RFX3: variants seen among roughly 807,000 people sequenced by gnomAD.
RFX3 encodes transcription factor RFX3.
In RFX3, 14 loss-of-function variants were observed where a neutral mutation model predicts 98.6. The ratio of observed to expected loss-of-function variants is 0.14; its 90% CI spans 0.09 to 0.22. The LOEUF (loss-of-function observed/expected upper bound fraction) is 0.22, where lower values mean the gene tolerates loss of function less well. Ranked by LOEUF, RFX3 falls within the 10% of genes least tolerant of loss-of-function variation. RFX3 has a pLI of 1.00. For synonymous variants in RFX3, 383 were observed against 328.4 expected, an observed-to-expected ratio of 1.17 and a Z score of -1.80; for missense variants, 639 against 926.9, an observed-to-expected ratio of 0.69 and a Z score of 4.03.
intron 5 of RFX3, among the ~76,000 whole-genome samples, chr9:3,295,131 A>C (rs527672980): frequency 1.3e-5 from 2 of 152,184 alleles, no homozygotes; most frequent in East Asian, 3.9e-4. Context: ...AAAAGAGATA[A>C]GGCAGTCTGA....
At chr9:3,381,315 T>C (rs1008594199) in intron 2 of RFX3, among the ~76,000 whole-genome samples, 6 of 152,060 alleles carry the variant, frequency 3.9e-5, no homozygotes, top group African/African-American at 1.4e-4. Flanking sequence ...TCGATGATCT[T>C]ATCAGTCCCA....
Position 3,325,850 on chromosome 9 carries a change from T to G in RFX3, c.474+4409A>C, listed in dbSNP as rs181531718. On this transcript the variant is annotated intron_variant, in intron 4 of 16. Transcript: ENST00000617270. ...ATGTGATTATATAGAAAAATAATCATGAAAATACTTAGAATTTCAAATGAA... is the reference window on the plus strand; with the variant it reads ...ATGTGATTATATAGAAAAATAATCAGGAAAATACTTAGAATTTCAAATGAA... Among the ~76,000 whole-genome samples the G allele has an allele frequency of 2.6e-5, 4 of 152,240 alleles. No individual in the cohort carries two copies. In the East Asian group the frequency reaches 7.7e-4, roughly 29 times the overall value.
rs890754377 is a variant in RFX3, at chr9:3,339,128, T to TAA, written c.215+7537_215+7538dup. On this transcript the variant is annotated intron_variant, in intron 3 of 16. Transcript: ENST00000617270. ...ATAATTCTTTTAGCCTACTTGAGTT[T>TAA]AAAAAAAAAACCCCAAAGTCTACTG... 6.0e-5 allele frequency among the ~76,000 whole-genome samples: 9 copies of TAA among 149,300 alleles called. No individual in the cohort carries two copies. In the East Asian group the frequency reaches 1.8e-3, roughly 29 times the overall value.
At chr9:3,277,311 C>T in intron 8 of RFX3, 29 bp downstream of exon 8, 1 of 1,606,094 alleles carries the variant, frequency 6.2e-7, no homozygotes, top group Non-Finnish European at 8.5e-7. Context: ...ATCCTAGTAG[C>T]AACTAATATG....
At chr9:3,434,739 T>C (rs1844967368) in intron 1 of RFX3, among the ~76,000 whole-genome samples, 1 of 152,082 alleles carries the variant, frequency 6.6e-6, no homozygotes, top group Non-Finnish European at 1.5e-5. Flanking sequence ...CATGGGTGTC[T>C]TCTTTAATGC....
At chr9:3,306,381 G>C (rs1276283964) in intron 4 of RFX3, among the ~76,000 whole-genome samples, 2 of 151,936 alleles carry the variant, frequency 1.3e-5, no homozygotes, top group East Asian at 3.9e-4. Flanking sequence ...ACTATGGTGT[G>C]TGCTGCTGAT....
chr9:3,443,582 C>G (rs775104203), intron 1 of RFX3, among the ~76,000 whole-genome samples: 5 of 152,196 alleles, frequency 3.3e-5, no homozygotes, highest in Non-Finnish European at 5.9e-5. Flanking sequence ...ATATGCACCA[C>G]ATTTTCTTTA....
At chr9:3,239,442 G>A (rs1277974919) in intron 15 of RFX3, among the ~76,000 whole-genome samples, 1 of 152,218 alleles carries the variant, frequency 6.6e-6, no homozygotes, top group Non-Finnish European at 1.5e-5. Flanking sequence ...TCTTGCTGTT[G>A]TGGGCTAGAC....
intron 2 of RFX3, among the ~76,000 whole-genome samples, chr9:3,347,652 C>G (rs1485592285): frequency 6.6e-6 from 1 of 151,962 alleles, no homozygotes; most frequent in Non-Finnish European, 1.5e-5. Context: ...CATGATGAAA[C>G]CCCGTCTCTA....
chr9:3,230,498 G>T (rs1456337370), intron 15 of RFX3, among the ~76,000 whole-genome samples: 1 of 152,098 alleles, frequency 6.6e-6, no homozygotes, highest in African/African-American at 2.4e-5. Context: ...TCTTTTATAA[G>T]TCTAAATAAA....
At chr9:3,312,283 C>T (rs1003727022) in intron 4 of RFX3, among the ~76,000 whole-genome samples, 3 of 152,158 alleles carry the variant, frequency 2.0e-5, no homozygotes, top group Non-Finnish European at 4.4e-5. Context: ...AGGTATTTCT[C>T]ATTGTAGTTT....
At chr9:3,400,284 G>A (rs1841345108) in intron 1 of RFX3, 2 of 690,432 alleles carry the variant, frequency 2.9e-6, no homozygotes, top group Non-Finnish European at 3.6e-6. Flanking sequence ...TTAATAGGAG[G>A]AATCTTATAG....
chr9:3,353,834 C>T (rs1835436544), intron 2 of RFX3, among the ~76,000 whole-genome samples: 1 of 151,876 alleles, frequency 6.6e-6, no homozygotes, highest in Non-Finnish European at 1.5e-5. Context: ...GACCTGTAAT[C>T]AGGAGAAAAA....
chr9:3,331,387 A>G (rs1381307996), intron 3 of RFX3, among the ~76,000 whole-genome samples: 1 of 152,184 alleles, frequency 6.6e-6, no homozygotes, highest in Non-Finnish European at 1.5e-5. Context: ...CAATTTTAAG[A>G]GGATCTTTTT....
chr9:3,346,082 G>C (rs1478052142), intron 3 of RFX3, among the ~76,000 whole-genome samples: 1 of 152,148 alleles, frequency 6.6e-6, no homozygotes, highest in Non-Finnish European at 1.5e-5. Flanking sequence ...ACAACATTCT[G>C]CATCTTATTG....
chr9:3,266,211 G>A lies in RFX3; in HGVS notation c.1452C>T (p.Thr484=). ...AAAGCAAGGACATAAAGTATACCTT[G>A]GTTTGTATCATTCTCTGTGGAATAT... is the stretch of plus-strand genomic sequence containing the variant. The part of the protein sequence containing the change: ...MNNIPQRMIQ[T]KVAAVSAFAQ... Residue 484 remains threonine, a synonymous_variant, in exon 12 of 17, where the codon ACC becomes ACT. Transcript: ENST00000617270. 1 of 1,591,946 alleles carries A rather than the reference G, an allele frequency of 6.3e-7. No homozygotes were observed. The highest frequency in any genetic ancestry group is 8.6e-7 in the Non-Finnish European group (1 of 1,162,528).
chr9:3,481,703 G>A (rs951074663), intron 1 of RFX3, among the ~76,000 whole-genome samples: 21 of 151,888 alleles, frequency 1.4e-4, no homozygotes, highest in Non-Finnish European at 1.3e-4. Context: ...TGAAATTTAA[G>A]AAGAGGAAAA....
chr9:3,388,828 C>A (rs1055516616), intron 2 of RFX3, among the ~76,000 whole-genome samples: 1 of 152,008 alleles, frequency 6.6e-6, no homozygotes. Context: ...AGTCCCTGAA[C>A]CCCAGGGCTC....
intron 1 of RFX3, among the ~76,000 whole-genome samples, chr9:3,522,583 G>GTC (rs1255976299): frequency 6.6e-6 from 1 of 150,434 alleles, no homozygotes; most frequent in Non-Finnish European, 1.5e-5. Context: ...GTGTGTGTGT[G>GTC]TGTGTAACTT....
Sources: allele counts gnomAD v4.1 joint callset (sites outside exome capture counted in the v4.1 genomes callset), GRCh38; gene constraint gnomAD v4.1.1; transcripts MANE v1.5; gene names NCBI Gene and HGNC (gene_info 2026-07-23, HGNC 2026-07-21).